SDK1: variants seen among roughly 807,000 people sequenced by gnomAD.
SDK1 encodes the protein protein sidekick-1.
Under a neutral mutation model 245.5 loss-of-function variants are expected in SDK1, and 157 were observed. The ratio of observed to expected loss-of-function variants is 0.64; its 90% CI spans 0.56 to 0.73. The LOEUF is 0.73. Among genes scored for constraint, SDK1 ranks in the 30% least tolerant of loss-of-function variants. The pLI is 0.00. For synonymous variants in SDK1, 1,647 were observed against 1,278.5 expected, an observed-to-expected ratio of 1.29 and a Z score of -6.15; for missense variants, 3,583 against 3,002.3, an observed-to-expected ratio of 1.19 and a Z score of -4.52.
At chr7:4,009,765 T>C (rs1423520866) in intron 14 of SDK1, among the ~76,000 whole-genome samples, 4 of 152,260 alleles carry the variant, frequency 2.6e-5, no homozygotes, top group East Asian at 1.9e-4. Context: ...GAATTAGTGA[T>C]AGACACCTCT....
At chr7:3,350,215 G>A (rs1780622151) in intron 1 of SDK1, among the ~76,000 whole-genome samples, 1 of 152,144 alleles carries the variant, frequency 6.6e-6, no homozygotes, top group South Asian at 2.1e-4. Context: ...ACATAGGATG[G>A]ATGTGCCACA....
chr7:3,468,002 G>A (rs1035897151), intron 1 of SDK1, among the ~76,000 whole-genome samples: 1 of 151,552 alleles, frequency 6.6e-6, no homozygotes, highest in African/African-American at 2.4e-5. Flanking sequence ...ATTTTAAATC[G>A]TTTTCCACTG....
In SDK1 at chr7:3,438,650, T is replaced by G. The variant is rs537458979; in HGVS notation, c.298+136766T>G. On this transcript the variant is annotated intron_variant, in intron 1 of 44. Coordinates refer to ENST00000404826, the MANE Select transcript of SDK1 (RefSeq NM_152744.4). ...CTGGCTTCAATCTGGGGCTGTCACTTAGTTGGTGTGGGACCTCTCATCTCT... is the reference window on the plus strand; with the variant it reads ...CTGGCTTCAATCTGGGGCTGTCACTGAGTTGGTGTGGGACCTCTCATCTCT... Among the ~76,000 whole-genome samples, 29 of 152,202 alleles carry G rather than the reference T, an allele frequency of 1.9e-4. No individual in the cohort carries two copies. In the South Asian group the frequency reaches 6.0e-3, roughly 32 times the overall value.
At chr7:4,051,358 G>A (rs1241136912) in intron 18 of SDK1, among the ~76,000 whole-genome samples, 1 of 148,948 alleles carries the variant, frequency 6.7e-6, no homozygotes, top group East Asian at 1.9e-4. Context: ...TGAAGAGAGG[G>A]TGAAGATTTG....
intron 12 of SDK1, among the ~76,000 whole-genome samples, chr7:3,973,373 A>C (rs1252754901): frequency 6.6e-6 from 1 of 152,254 alleles, no homozygotes; most frequent in Non-Finnish European, 1.5e-5. Context: ...AAAGAAAAAC[A>C]GCACTTTCAT....
intron 30 of SDK1, among the ~76,000 whole-genome samples, chr7:4,157,432 A>AGGGAAGGGAGGTGGAAGGG (rs1562899615): frequency 3.6e-4 from 5 of 14,042 alleles, no homozygotes; most frequent in African/African-American, 2.4e-3. Context: ...GAAGGAAGGC[A>AGGGAAGGGAGGTGGAAGGG]AGAGAAAAGG....
chr7:4,110,859 G>A (rs569212352), intron 23 of SDK1, 87 bp downstream of exon 23: 67 of 860,530 alleles, frequency 7.8e-5, no homozygotes, highest in African/African-American at 3.1e-4. Flanking sequence ...AAACCCAGTC[G>A]TACGTATGCA....
intron 5 of SDK1, among the ~76,000 whole-genome samples, chr7:3,939,378 C>T (rs541625472): frequency 1.2e-4 from 18 of 152,250 alleles, no homozygotes; most frequent in Non-Finnish European, 2.2e-4. Context: ...TATAAACCAG[C>T]TTCCCACGTC....
chr7:3,906,605 G>A (rs1413243373), intron 5 of SDK1, among the ~76,000 whole-genome samples: 5 of 138,932 alleles, frequency 3.6e-5, no homozygotes, highest in South Asian at 4.9e-4. Flanking sequence ...GACACAGGTA[G>A]CATTTCAGTG....
chr7:3,861,900 A>G (rs1036570400), intron 5 of SDK1, among the ~76,000 whole-genome samples: 6 of 152,182 alleles, frequency 3.9e-5, no homozygotes, highest in Admixed American at 3.3e-4. Flanking sequence ...AAAGGTGGTA[A>G]ACAATGCCAG....
chr7:3,953,985 C>G (rs1399935083), intron 7 of SDK1, among the ~76,000 whole-genome samples: 1 of 152,166 alleles, frequency 6.6e-6, no homozygotes, highest in African/African-American at 2.4e-5. Context: ...ATTGGTTTCA[C>G]AGGGCTGTCA....
At chr7:3,909,148 G>C (rs564798276) in intron 5 of SDK1, among the ~76,000 whole-genome samples, 1 of 152,352 alleles carries the variant, frequency 6.6e-6, no homozygotes, top group African/African-American at 2.4e-5. Flanking sequence ...GCATAAGTCA[G>C]AGAAGGGTCC....
At chr7:3,414,373 C>G (rs966853286) in intron 1 of SDK1, among the ~76,000 whole-genome samples, 2 of 152,112 alleles carry the variant, frequency 1.3e-5, no homozygotes, top group African/African-American at 4.8e-5. Context: ...CATCTGAGAA[C>G]CCTGACTTCT....
At chr7:3,844,415 C>G (rs558907219) in intron 5 of SDK1, among the ~76,000 whole-genome samples, 1 of 152,048 alleles carries the variant, frequency 6.6e-6, no homozygotes, top group Non-Finnish European at 1.5e-5. Flanking sequence ...TCCATCAGAC[C>G]CACCCTAAAT....
intron 1 of SDK1, among the ~76,000 whole-genome samples, chr7:3,357,302 T>A: frequency 6.7e-6 from 1 of 149,698 alleles, no homozygotes; most frequent in African/African-American, 2.4e-5. Context: ...TCACTGTCTT[T>A]TTACTCTTGC....
chr7:4,174,886 G>C (rs961978011), intron 33 of SDK1, among the ~76,000 whole-genome samples: 1 of 152,196 alleles, frequency 6.6e-6, no homozygotes, highest in East Asian at 1.9e-4. Context: ...TGCCCTGCCC[G>C]TTCCCACCCC....
At chr7:3,955,908 G>A (rs1440993821) in intron 7 of SDK1, among the ~76,000 whole-genome samples, 1 of 152,194 alleles carries the variant, frequency 6.6e-6, no homozygotes, top group Non-Finnish European at 1.5e-5. Context: ...CTCCTCTCCT[G>A]AGACTGGGGA....
chr7:3,719,492 C>G (rs930226612), intron 4 of SDK1, among the ~76,000 whole-genome samples: 1 of 152,012 alleles, frequency 6.6e-6, no homozygotes, highest in Non-Finnish European at 1.5e-5. Flanking sequence ...CAGACCCACA[C>G]GAATATGCCC....
chr7:3,665,158 T>TC (rs1783487629), intron 4 of SDK1, among the ~76,000 whole-genome samples: 1 of 152,144 alleles, frequency 6.6e-6, no homozygotes, highest in Admixed American at 6.5e-5. Context: ...GTGAAGTAGG[T>TC]CCCAGGTGTG....
Sources: allele counts gnomAD v4.1 joint callset (sites outside exome capture counted in the v4.1 genomes callset), GRCh38; gene constraint gnomAD v4.1.1; transcripts MANE v1.5; gene names NCBI Gene and HGNC (gene_info 2026-07-23, HGNC 2026-07-21).